The following RGS5 variants were observed in gnomAD, a reference collection of about 807,000 sequenced individuals.
RGS5 encodes the protein regulator of G-protein signalling 5.
A neutral mutation model predicts 18.9 loss-of-function variants in RGS5; 20 were observed. That is an observed-to-expected ratio of 1.06 (90% CI 0.74 to 1.54). RGS5 has a LOEUF of 1.54. Among genes scored for constraint, RGS5 ranks in the 40% most tolerant of loss-of-function variants. The pLI is 0.00. For missense variants in RGS5, 201 were observed against 211.8 expected, an observed-to-expected ratio of 0.95 and a Z score of 0.32; for synonymous variants, 57 against 76.2, an observed-to-expected ratio of 0.75 and a Z score of 1.31.
intron 1 of RGS5, among the ~76,000 whole-genome samples, chr1:163,190,687 T>C (rs1387563536): frequency 6.6e-6 from 1 of 152,208 alleles, no homozygotes; most frequent in African/African-American, 2.4e-5. Context: ...TGGAAGGCTG[T>C]CACTCCTATC....
At chr1:163,258,942 G>A (rs12751851) in intron 2 of RGS5, among the ~76,000 whole-genome samples, 22,274 of 152,014 alleles carry the variant, frequency 0.15, 1,961 homozygotes, top group Non-Finnish European at 0.19. Flanking sequence ...TTCCCAAAGT[G>A]CTGGGATTAC....
At chr1:163,277,786 A>G (rs1302736559) in intron 2 of RGS5, among the ~76,000 whole-genome samples, 2 of 152,186 alleles carry the variant, frequency 1.3e-5, no homozygotes, top group Non-Finnish European at 2.9e-5. Flanking sequence ...CAAGGAAACA[A>G]TTCATGATCC....
chr1:163,224,205 TCCCTCCCCTC>T (rs1038393765), intron 2 of RGS5, among the ~76,000 whole-genome samples: 2 of 151,554 alleles, frequency 1.3e-5, no homozygotes, highest in Admixed American at 1.3e-4. Flanking sequence ...GCCCTCCTCC[TCCCTCCCCTC>T]CCCTCCCCAG....
chr1:163,231,770 A>G (rs78972514), intron 2 of RGS5, among the ~76,000 whole-genome samples: 2 of 150,362 alleles, frequency 1.3e-5, no homozygotes, highest in African/African-American at 4.9e-5. Context: ...AAAAAAAAAA[A>G]GGCTAAATAG....
At chr1:163,310,452 G>C (rs1649823857) in intron 1 of RGS5, among the ~76,000 whole-genome samples, 1 of 151,966 alleles carries the variant, frequency 6.6e-6, no homozygotes, top group African/African-American at 2.4e-5. Context: ...GTGGGTGCCT[G>C]TAGTCCCAGC....
intron 2 of RGS5, among the ~76,000 whole-genome samples, chr1:163,268,229 G>C (rs1180710624): frequency 6.6e-6 from 1 of 152,026 alleles, no homozygotes; most frequent in Non-Finnish European, 1.5e-5. Context: ...TATTGGGACA[G>C]AGCAGTGTTT....
intron 1 of RGS5, among the ~76,000 whole-genome samples, chr1:163,196,571 T>C (rs1447687580): frequency 6.6e-6 from 1 of 152,156 alleles, no homozygotes; most frequent in East Asian, 1.9e-4. Flanking sequence ...CTAGCTGGAA[T>C]ACAGAATGCA....
intron 2 of RGS5, among the ~76,000 whole-genome samples, chr1:163,246,231 A>T (rs1337737772): frequency 1.3e-5 from 2 of 149,586 alleles, no homozygotes; most frequent in East Asian, 2.0e-4. Flanking sequence ...AAAAAAAAAA[A>T]AATTAATTAA....
intron 3 of RGS5, among the ~76,000 whole-genome samples, chr1:163,153,685 TATAG>T (rs1657469484): frequency 6.6e-6 from 1 of 151,160 alleles, no homozygotes; most frequent in African/African-American, 2.4e-5. Context: ...GCCTATTATA[TATAG>T]ATATAGTCTT....
intron 2 of RGS5, among the ~76,000 whole-genome samples, chr1:163,254,015 G>T (rs1418716688): frequency 6.6e-6 from 1 of 151,066 alleles, no homozygotes; most frequent in Non-Finnish European, 1.5e-5. Flanking sequence ...ATTCCATGGT[G>T]TATATGTGCC....
upstream of RGS5, chr1:163,206,758 T>C (rs1344112568): frequency 6.6e-6 from 1 of 152,148 alleles, no homozygotes; most frequent in African/African-American, 2.4e-5. Flanking sequence ...ACACCGAACC[T>C]GCTGGCACCT....
chr1:163,220,115 G>A (rs1647200839), upstream of RGS5, among the ~76,000 whole-genome samples: 1 of 152,004 alleles, frequency 6.6e-6, no homozygotes, highest in South Asian at 2.1e-4. Flanking sequence ...TTGTTTAGTG[G>A]TATTATATCA....
At chr1:163,293,140 T>C (rs1406272401) in intron 2 of RGS5, among the ~76,000 whole-genome samples, 3 of 152,240 alleles carry the variant, frequency 2.0e-5, no homozygotes, top group Admixed American at 1.3e-4. Flanking sequence ...ACGGTTTTTA[T>C]AGTTTGGAGT....
chr1:163,290,816 A>G (rs1246225282), intron 2 of RGS5, among the ~76,000 whole-genome samples: 2 of 152,184 alleles, frequency 1.3e-5, no homozygotes, highest in African/African-American at 4.8e-5. Flanking sequence ...TATGAGATCA[A>G]CCAGTCTAAA....
intron 1 of RGS5, among the ~76,000 whole-genome samples, chr1:163,318,269 T>C (rs1224912333): frequency 6.6e-6 from 1 of 152,046 alleles, no homozygotes; most frequent in Non-Finnish European, 1.5e-5. Flanking sequence ...ATGAAGACCC[T>C]AGCACACCAG....
intron 2 of RGS5, among the ~76,000 whole-genome samples, chr1:163,296,383 T>G (rs1287886724): frequency 1.3e-5 from 2 of 152,166 alleles, no homozygotes; most frequent in African/African-American, 2.4e-5. Context: ...CTCTTAAAAC[T>G]AACATTTCAA....
intron 2 of RGS5, among the ~76,000 whole-genome samples, chr1:163,225,834 C>T (rs1470907617): frequency 1.3e-5 from 2 of 152,142 alleles, no homozygotes; most frequent in East Asian, 3.8e-4. Context: ...AAACCAATGC[C>T]AAAATTCCAT....
rs1392941455 is a variant in RGS5, at chr1:163,180,693, T to TTTTGTTTTG, written c.45-12326_45-12325insCAAAACAAA. 2.5e-5 allele frequency among the ~76,000 whole-genome samples: 3 copies of TTTTGTTTTG among 122,426 alleles called. 1 individual carries two copies. Among genetic ancestry groups the TTTTGTTTTG allele is most frequent in the Admixed American group, 1.6e-4 (2 of 12,772 alleles). 80.3% of individuals were successfully genotyped at this position (122,426 alleles called of 152,430 possible). A position where few individuals can be genotyped will look rare whatever the true frequency, so the allele number is the denominator to read the frequency against. ...TAATAAAGCCCTTACCCTGTTTTTT[T>TTTTGTTTTG]TTTTTTTTTTTTTTTTTTTGAGACG... On this transcript the variant is annotated intron_variant, in intron 1 of 4. Transcript: ENST00000313961.
intron 2 of RGS5, among the ~76,000 whole-genome samples, chr1:163,289,162 T>C (rs1336137406): frequency 1.3e-5 from 2 of 152,038 alleles, no homozygotes; most frequent in Non-Finnish European, 2.9e-5. Context: ...CAAGTGCCTG[T>C]CAATGTTGCC....
Sources: gnomAD v4.1 joint callset for allele counts (sites outside exome capture counted in the v4.1 genomes callset) on GRCh38, gnomAD v4.1.1 for gene constraint, MANE v1.5 for transcripts, NCBI Gene and HGNC (gene_info 2026-07-23, HGNC 2026-07-21) for gene names.